CRACDL: variants seen among roughly 807,000 people sequenced by gnomAD.
The protein encoded by CRACDL is CRACD like.
Under a neutral mutation model 70.6 loss-of-function variants are expected in CRACDL, and 26 were observed. That is an observed-to-expected ratio of 0.37 (90% CI 0.27 to 0.51). The LOEUF is 0.51. Ranked by LOEUF, CRACDL falls within the 20% of genes least tolerant of loss-of-function variation. CRACDL has a pLI of 0.94. For missense variants in CRACDL, 1,283 were observed against 1,376.9 expected, an observed-to-expected ratio of 0.93 and a Z score of 1.08; for synonymous variants, 618 against 615.2, an observed-to-expected ratio of 1.00 and a Z score of -0.07.
intron 4 of CRACDL, 66 bp downstream of exon 4, chr2:98,832,796 C>A: frequency 6.3e-7 from 1 of 1,590,288 alleles, no homozygotes; most frequent in South Asian, 1.1e-5. Flanking sequence ...AAGCAGAAAT[C>A]ATTTAAAAAC....
chr2:98,849,790 C>T (rs1706407257), intron 1 of CRACDL, among the ~76,000 whole-genome samples: 1 of 151,878 alleles, frequency 6.6e-6, no homozygotes, highest in Admixed American at 6.6e-5. Context: ...GTTTTATGTC[C>T]CAAGCATCTT....
At chr2:98,872,180 C>T (rs1388292298) in intron 1 of CRACDL, among the ~76,000 whole-genome samples, 1 of 152,002 alleles carries the variant, frequency 6.6e-6, no homozygotes, top group Non-Finnish European at 1.5e-5. Context: ...CCAGCCTGGC[C>T]AACACCGTCT....
intron 1 of CRACDL, among the ~76,000 whole-genome samples, chr2:98,858,202 C>T (rs1706784843): frequency 6.6e-6 from 1 of 151,810 alleles, no homozygotes; most frequent in Non-Finnish European, 1.5e-5. Context: ...TTATAAACAC[C>T]TACGTAAAAA....
At chr2:98,932,269 T>G (rs926137927) in intron 1 of CRACDL, among the ~76,000 whole-genome samples, 3 of 152,128 alleles carry the variant, frequency 2.0e-5, no homozygotes, top group African/African-American at 7.2e-5. Flanking sequence ...CTGTCTCCCT[T>G]TCAAAGGCAG....
chr2:98,835,309 C>G (rs1705725050), intron 3 of CRACDL, among the ~76,000 whole-genome samples: 1 of 152,196 alleles, frequency 6.6e-6, no homozygotes, highest in African/African-American at 2.4e-5. Context: ...CCCCTGGCAG[C>G]TGGACTGAGG....
chr2:98,823,030 CG>C lies in CRACDL; in HGVS notation c.1242del (p.Glu415ArgfsTer84). 3.2e-6 allele frequency: 5 copies of C among 1,542,574 alleles called. No homozygotes were observed. Among genetic ancestry groups the C allele is most frequent in the East Asian group, 2.6e-5 (1 of 38,124 alleles). ...TAIPEGDTTP[P>X]ETDPAATSEA... is the part of the protein sequence containing the mutation. The stretch of plus-strand genomic sequence containing the variant: ...TCTGAGGTGGCGGCGGGGTCAGTCT[CG>C]GGGGGAGTCGTGTCCCCCTCAGGGA... On this transcript the variant is annotated frameshift_variant, in exon 7 of 10. Coordinates refer to ENST00000397899, the MANE Select transcript of CRACDL (RefSeq NM_207362.3). LOFTEE classifies it high-confidence loss of function. The surrounding 1 kb of genome is among the most constrained non-coding windows in gnomAD (Gnocchi z 4.0).
At chr2:98,903,428 C>T (rs1017892581) in intron 1 of CRACDL, among the ~76,000 whole-genome samples, 1 of 152,076 alleles carries the variant, frequency 6.6e-6, no homozygotes, top group Admixed American at 6.5e-5. Context: ...GATTTCAAAC[C>T]CATTTTGTTT....
chr2:98,804,393 A>C (rs1704203961), intron 7 of CRACDL, among the ~76,000 whole-genome samples: 1 of 152,228 alleles, frequency 6.6e-6, no homozygotes, highest in African/African-American at 2.4e-5. Context: ...TTGTAATCCC[A>C]AAATCAATAT....
In CRACDL at chr2:98,796,120, C is replaced by G. The variant is rs774138870; in HGVS notation, c.2749G>C (p.Ala917Pro). ...GTGGTAATGTTTGCAGATTTCATACCCAAGTTCTGATGGGACAATGAGATT... is the reference window on the plus strand; with the variant it reads ...GTGGTAATGTTTGCAGATTTCATACGCAAGTTCTGATGGGACAATGAGATT... ...RGISLSHQNL[A>P]QSAVMMEKEL... Residue 917 changes from alanine to proline, a missense_variant and splice_region_variant, in exon 9 of 10, where the codon GCT becomes CCT. Ala to Pro is a conservative substitution (Grantham distance 27). Around this residue, in one of 2 missense-constraint regions of CRACDL, gnomAD observed 921 missense variants for 881.9 expected, o/e 1.04. Coordinates refer to ENST00000397899, the MANE Select transcript of CRACDL (RefSeq NM_207362.3). The G allele has an allele frequency of 6.2e-7, 1 of 1,613,526 alleles. No individual in the cohort carries two copies. The highest frequency in any genetic ancestry group is 2.2e-5 in the East Asian group (1 of 44,872).
chr2:98,878,717 G>T (rs1280478125), intron 1 of CRACDL, among the ~76,000 whole-genome samples: 1 of 152,178 alleles, frequency 6.6e-6, no homozygotes, highest in South Asian at 2.1e-4. Context: ...GTACTATGGG[G>T]TTATGTCCGG....
intron 1 of CRACDL, among the ~76,000 whole-genome samples, chr2:98,920,881 T>TGAAGG (rs1006168508): frequency 2.0e-5 from 3 of 152,118 alleles, no homozygotes; most frequent in Admixed American, 1.3e-4. Context: ...CTGCAGCAAA[T>TGAAGG]GCGTGTTGAC....
intron 7 of CRACDL, among the ~76,000 whole-genome samples, chr2:98,816,460 A>C (rs148249462): frequency 6.6e-4 from 100 of 152,318 alleles, no homozygotes; most frequent in South Asian, 1.2e-3. Context: ...GTATCTGGGT[A>C]GATGGAGTAC....
chr2:98,919,048 G>A (rs1353074673), intron 1 of CRACDL, among the ~76,000 whole-genome samples: 1 of 152,124 alleles, frequency 6.6e-6, no homozygotes, highest in African/African-American at 2.4e-5. Context: ...TTCTTCTAGT[G>A]TTTTTACAGT....
Position 98,821,897 on chromosome 2 carries a change from C to A in CRACDL, c.2376G>T (p.Glu792Asp). The change falls in exon 7 of 10, where the codon GAG becomes GAT. Residue 792 changes from glutamate (E) to aspartate (D), a missense_variant. Physicochemically the swap from Glu to Asp is conservative, Grantham distance 45. Around this residue, in one of 2 missense-constraint regions of CRACDL, gnomAD observed 921 missense variants for 881.9 expected, o/e 1.04. Coordinates refer to ENST00000397899, the MANE Select transcript of CRACDL (RefSeq NM_207362.3). ...AGPGEREPRK[E>D]PRTAEKRPLR... The stretch of plus-strand genomic sequence containing the variant: ...GCGGCCTTTTCTCCGCCGTCCTGGG[C>A]TCCTTCCTGGGTTCCCGCTCTCCCG... 2 of 1,604,580 alleles carry A rather than the reference C, an allele frequency of 1.2e-6. No individual in the cohort carries two copies. Among genetic ancestry groups the A allele is most frequent in the East Asian group, 4.5e-5 (2 of 44,662 alleles).
chr2:98,802,051 G>A (rs1704101655), intron 7 of CRACDL, among the ~76,000 whole-genome samples: 1 of 152,252 alleles, frequency 6.6e-6, no homozygotes, highest in Non-Finnish European at 1.5e-5. Flanking sequence ...CAGGCAGCCA[G>A]GCTGACTCTT....
At position 98,827,006 on chromosome 2, in the gene CRACDL, T is replaced by C; in HGVS notation, c.704A>G (p.Gln235Arg). Residue 235 changes from glutamine to arginine, a missense_variant, in exon 6 of 10, where the codon CAG becomes CGG. Around this residue, in one of 2 missense-constraint regions of CRACDL, gnomAD observed 362 missense variants for 495.0 expected, o/e 0.73. Coordinates refer to ENST00000397899, the MANE Select transcript of CRACDL (RefSeq NM_207362.3). ...KHKLQVKPRN[Q>R]RSSKMRRLSS... ...GAGCCGCCTCATCTTACTCGACCGCTGGTTGCGGGGCTTGACCTGGAGCTT... is the reference window on the plus strand; with the variant it reads ...GAGCCGCCTCATCTTACTCGACCGCCGGTTGCGGGGCTTGACCTGGAGCTT... The C allele has an allele frequency of 6.2e-7, 1 of 1,613,932 alleles. No individual in the cohort carries two copies. Among genetic ancestry groups the C allele is most frequent in the Middle Eastern group, 1.7e-4 (1 of 6,042 alleles).
chr2:98,833,997 T>G (rs534357676), intron 3 of CRACDL, among the ~76,000 whole-genome samples: 1 of 152,326 alleles, frequency 6.6e-6, no homozygotes, highest in East Asian at 1.9e-4. Context: ...ACAGTAAGCT[T>G]GCAAGTGGGA....
rs752732944 is a variant in CRACDL, at chr2:98,823,812, G to A, written c.736-275C>T. ...CTCAAAACCAGTGGACTAGAGTAAC[G>A]CCAAGGGAAGGCGACCAACAGCAGC... On this transcript the variant is annotated intron_variant, in intron 6 of 9. Transcript: ENST00000397899. The surrounding 1 kb of genome is among the most constrained non-coding windows in gnomAD (Gnocchi z 4.0). Among the ~76,000 whole-genome samples, 2 of 152,182 alleles carry A rather than the reference G, an allele frequency of 1.3e-5. No homozygotes were observed. Among genetic ancestry groups the A allele is most frequent in the Non-Finnish European group, 2.9e-5 (2 of 68,022 alleles).
intron 7 of CRACDL, among the ~76,000 whole-genome samples, chr2:98,808,387 C>T (rs1011164738): frequency 9.2e-5 from 14 of 152,126 alleles, no homozygotes; most frequent in Non-Finnish European, 1.6e-4. Context: ...CCCAGGTGAC[C>T]GCAAGTTGCA....
Sources: gnomAD v4.1 joint callset for allele counts (sites outside exome capture counted in the v4.1 genomes callset) on GRCh38, gnomAD v4.1.1 for gene constraint, gnomAD v4.1.1 regional missense constraint, Gnocchi (gnomAD v3.1) non-coding constraint, MANE v1.5 for transcripts, NCBI Gene and HGNC (gene_info 2026-07-23, HGNC 2026-07-21) for gene names.